The following EDF1 variants were observed in gnomAD, a reference collection of about 807,000 sequenced individuals.
EDF1 encodes the protein endothelial differentiation-related factor 1.
EDF1 carries 5 observed loss-of-function variants against 20.8 expected under a neutral mutation model. That is an observed-to-expected ratio of 0.24 (90% confidence interval 0.13 to 0.51). The LOEUF (loss-of-function observed/expected upper bound fraction) is 0.51, where lower values mean the gene tolerates loss of function less well. EDF1 is among the 20% of genes least tolerant of loss of function. The pLI, the probability that EDF1 is intolerant of heterozygous loss-of-function variation, is 0.97. For synonymous variants in EDF1, 96 were observed against 78.5 expected, an observed-to-expected ratio of 1.22 and a Z score of -1.18; for missense variants, 137 against 197.8, an observed-to-expected ratio of 0.69 and a Z score of 1.84.
At chr9:136,864,272 ATT>A (rs530718830) in intron 1 of EDF1, among the ~76,000 whole-genome samples, 64 of 134,884 alleles carry the variant, frequency 4.7e-4, no homozygotes, top group Admixed American at 4.5e-4. Flanking sequence ...CACACTAGGG[ATT>A]TTTTTTTTTT....
chr9:136,863,269 A>G lies in EDF1; in HGVS notation c.291+19T>C. The G allele has an allele frequency of 6.2e-7, 1 of 1,605,868 alleles. No homozygotes were observed. The highest frequency in any genetic ancestry group is 8.5e-7 in the Non-Finnish European group (1 of 1,176,688). ...CCAAACCCACAACCCCAGGAGTGAG[A>G]GCCCCGGCGCAGCCTCACCGTGGCC... On this transcript the variant is annotated intron_variant, in intron 3 of 4. Coordinates refer to ENST00000224073, the MANE Select transcript of EDF1 (RefSeq NM_003792.4). The surrounding 1 kb of genome is among the most constrained non-coding windows in gnomAD (Gnocchi z 4.5).
At position 136,862,776 on chromosome 9, in the gene EDF1, C is replaced by A; in HGVS notation, c.385+130G>T. On this transcript the variant is annotated intron_variant, in intron 4 of 4. Transcript: ENST00000224073. This position sits in a 1 kb window ranked among gnomAD's most constrained non-coding sequence, Gnocchi z 4.1. ...GTCTGTACTACCTGGAGAAGCAAAG[C>A]TCCAGAATTCAGAGAACAGGGGACC... is the stretch of plus-strand genomic sequence containing the variant. 6.2e-7 allele frequency: 1 copy of A among 1,601,064 alleles called. No homozygotes were observed. The highest frequency in any genetic ancestry group is 8.5e-7 in the Non-Finnish European group (1 of 1,175,470).
Position 136,862,529 on chromosome 9 carries a change from A to G in EDF1, c.386-184T>C. 6.2e-7 allele frequency: 1 copy of G among 1,605,918 alleles called. No individual in the cohort carries two copies. Among genetic ancestry groups the G allele is most frequent in the Non-Finnish European group, 8.5e-7 (1 of 1,179,164 alleles). On this transcript the variant is annotated intron_variant, in intron 4 of 4. Coordinates refer to ENST00000224073, the MANE Select transcript of EDF1 (RefSeq NM_003792.4). The surrounding 1 kb of genome is among the most constrained non-coding windows in gnomAD (Gnocchi z 4.1). ...TGAAGAGGATGAGTCTGATCACCTT[A>G]GACAGCAGAGCATGAACACCCCTCT...
Position 136,863,005 on chromosome 9 carries a change from G to A in EDF1, c.292-6C>T. Reference sequence around the variant, plus strand: ...TGTGGCTTCTCATTGATTTTCTAAAGAGAAGATGTGCTTTATACACATCAG... The same window carrying A: ...TGTGGCTTCTCATTGATTTTCTAAAAAGAAGATGTGCTTTATACACATCAG... On this transcript the variant is annotated splice_polypyrimidine_tract_variant and splice_region_variant and intron_variant, in intron 3 of 4. Coordinates refer to ENST00000224073, the MANE Select transcript of EDF1 (RefSeq NM_003792.4). The surrounding 1 kb of genome is among the most constrained non-coding windows in gnomAD (Gnocchi z 4.5). 6.2e-7 allele frequency: 1 copy of A among 1,613,780 alleles called. No individual in the cohort carries two copies. Among genetic ancestry groups the A allele is most frequent in the Non-Finnish European group, 8.5e-7 (1 of 1,180,020 alleles).
At position 136,863,038 on chromosome 9, in the gene EDF1, A is replaced by G. The variant is rs1849138953; in HGVS notation, c.292-39T>C. 6.2e-7 allele frequency: 1 copy of G among 1,611,286 alleles called. No individual in the cohort carries two copies. On this transcript the variant is annotated intron_variant, in intron 3 of 4. Transcript: ENST00000224073. The surrounding 1 kb of genome is among the most constrained non-coding windows in gnomAD (Gnocchi z 4.5). ...GTGCTTTATACACATCAGCTCCACT[A>G]GGACTGCTGCAAAACCAGGCGCGAA...
In EDF1 at chr9:136,862,520, G is replaced by T. The variant is rs760430175; in HGVS notation, c.386-175C>A. ...ATCTAATTTTGAAGAGGATGAGTCT[G>T]ATCACCTTAGACAGCAGAGCATGAA... On this transcript the variant is annotated intron_variant, in intron 4 of 4. Coordinates refer to ENST00000224073, the MANE Select transcript of EDF1 (RefSeq NM_003792.4). The surrounding 1 kb of genome is among the most constrained non-coding windows in gnomAD (Gnocchi z 4.1). The T allele has an allele frequency of 1.9e-6, 3 of 1,608,082 alleles. No homozygotes were observed. The highest frequency in any genetic ancestry group is 1.7e-6 in the Non-Finnish European group (2 of 1,179,574).
chr9:136,863,772 G>A lies in EDF1; in HGVS notation c.130+48C>T, dbSNP rs776642599. The A allele has an allele frequency of 6.2e-7, 1 of 1,609,498 alleles. No homozygotes were observed. The highest frequency in any genetic ancestry group is 8.5e-7 in the Non-Finnish European group (1 of 1,176,426). ...CACACACCACACCCACCAGCACATG[G>A]ACCCCACAGCACAGCCTCATGTTGC... On this transcript the variant is annotated intron_variant, in intron 2 of 4. Coordinates refer to ENST00000224073, the MANE Select transcript of EDF1 (RefSeq NM_003792.4). This position sits in a 1 kb window ranked among gnomAD's most constrained non-coding sequence, Gnocchi z 4.5.
chr9:136,864,910 A>AC (rs920096633), intron 1 of EDF1, among the ~76,000 whole-genome samples: 6 of 152,222 alleles, frequency 3.9e-5, no homozygotes, highest in Admixed American at 2.6e-4. Flanking sequence ...GGCGTGAGCC[A>AC]CCGCGCCCGG....
chr9:136,866,293 G>T lies in EDF1; in HGVS notation c.-35C>A. The T allele has an allele frequency of 5.7e-6, 9 of 1,589,290 alleles. No individual in the cohort carries two copies. Among genetic ancestry groups the T allele is most frequent in the Non-Finnish European group, 7.7e-6 (9 of 1,172,384 alleles). ...AGACGAGCGTCCGTCCGGCGGCTCA[G>T]CGGCAGCTGCTAGAGACCTGGCGCG... On this transcript the variant is annotated 5_prime_UTR_variant, in exon 1 of 5. The change creates a new upstream start codon in the 5' untranslated region. Transcript: ENST00000224073.
chr9:136,865,361 A>T (rs1254861499), intron 1 of EDF1, among the ~76,000 whole-genome samples: 2 of 151,964 alleles, frequency 1.3e-5, no homozygotes, highest in Non-Finnish European at 2.9e-5. Flanking sequence ...GGCACTCTCT[A>T]CAGCCTGTGA....
chr9:136,866,035 G>A, intron 1 of EDF1, 146 bp downstream of exon 1: 2 of 554,180 alleles, frequency 3.6e-6, no homozygotes. Context: ...ACCCCGTCCT[G>A]CCCCCGGCAC....
rs1849153586 is a variant in EDF1 at position 136,863,536 on chromosome 9, G to A, written c.131-88C>T. On this transcript the variant is annotated intron_variant, in intron 2 of 4. Transcript: ENST00000224073. The surrounding 1 kb of genome is among the most constrained non-coding windows in gnomAD (Gnocchi z 4.5). ...TTCAAAGCGGTAACCAGACCCCAGA[G>A]GCTGCCTGAACTCAAGGGGACATGG... The A allele has an allele frequency of 2.0e-6, 3 of 1,493,298 alleles. No individual in the cohort carries two copies. The highest frequency in any genetic ancestry group is 2.7e-6 in the Non-Finnish European group (3 of 1,113,546). 92.5% of individuals were successfully genotyped at this position (1,493,298 alleles called of 1,614,324 possible). A position where few individuals can be genotyped will look rare whatever the true frequency, so the allele number is the denominator to read the frequency against.
rs774589217 is a variant in EDF1, at chr9:136,863,794, T to C, written c.130+26A>G. 1.2e-6 allele frequency: 2 copies of C among 1,613,738 alleles called. No homozygotes were observed. The highest frequency in any genetic ancestry group is 1.7e-6 in the Non-Finnish European group (2 of 1,179,882). On this transcript the variant is annotated intron_variant, in intron 2 of 4. Coordinates refer to ENST00000224073, the MANE Select transcript of EDF1 (RefSeq NM_003792.4). The surrounding 1 kb of genome is among the most constrained non-coding windows in gnomAD (Gnocchi z 4.5). ...ATGGACCCCACAGCACAGCCTCATGTTGCAAGCGGAAACACAAGTACCTAC... is the reference window on the plus strand; with the variant it reads ...ATGGACCCCACAGCACAGCCTCATGCTGCAAGCGGAAACACAAGTACCTAC...
rs1461539308 is a variant in EDF1 at position 136,863,737 on chromosome 9, G to A, written c.130+83C>T. 15 of 1,535,774 alleles carry A rather than the reference G, an allele frequency of 9.8e-6. No homozygotes were observed. The highest frequency in any genetic ancestry group is 6.8e-5 in the African/African-American group (5 of 73,268). On this transcript the variant is annotated intron_variant, in intron 2 of 4. Coordinates refer to ENST00000224073, the MANE Select transcript of EDF1 (RefSeq NM_003792.4). This position sits in a 1 kb window ranked among gnomAD's most constrained non-coding sequence, Gnocchi z 4.5. ...CAGGCACTCAGCTGACAACGTCCCCGGGGGCGCCGCACACACCACACCCAC... is the reference window on the plus strand; with the variant it reads ...CAGGCACTCAGCTGACAACGTCCCCAGGGGCGCCGCACACACCACACCCAC...
Position 136,863,598 on chromosome 9 carries a change from G to A in EDF1, c.131-150C>T, listed in dbSNP as rs1197502144. 2.4e-5 allele frequency: 27 copies of A among 1,140,694 alleles called. No homozygotes were observed. The highest frequency in any genetic ancestry group is 7.7e-5 in the Admixed American group (3 of 38,992). The allele number at this position is 1,140,694 out of a possible 1,614,324, so 70.7% of individuals were successfully genotyped here. A position where few individuals can be genotyped will look rare whatever the true frequency, so the allele number is the denominator to read the frequency against. ...GTCCCAAGTTCACACACCTCAGGTC[G>A]TGGACTTCCAGAGTTTTCTCTCAGT... On this transcript the variant is annotated intron_variant, in intron 2 of 4. Coordinates refer to ENST00000224073, the MANE Select transcript of EDF1 (RefSeq NM_003792.4). This position sits in a 1 kb window ranked among gnomAD's most constrained non-coding sequence, Gnocchi z 4.5.
Position 136,863,643 on chromosome 9 carries a change from A to G in EDF1, c.130+177T>C, listed in dbSNP as rs1344186044. 6.6e-6 allele frequency among the ~76,000 whole-genome samples: 1 copy of G among 151,966 alleles called. No individual in the cohort carries two copies. The highest frequency in any genetic ancestry group is 2.4e-5 in the African/African-American group (1 of 41,344). ...CTCAGTTATGAGGACAGGCAGCTGT[A>G]CTCATGCCAACCAGAGCTGCTCTGG... On this transcript the variant is annotated intron_variant, in intron 2 of 4. Coordinates refer to ENST00000224073, the MANE Select transcript of EDF1 (RefSeq NM_003792.4). The surrounding 1 kb of genome is among the most constrained non-coding windows in gnomAD (Gnocchi z 4.5).
chr9:136,865,898 C>T (rs940953769), intron 1 of EDF1, among the ~76,000 whole-genome samples: 13 of 150,602 alleles, frequency 8.6e-5, no homozygotes, highest in Non-Finnish European at 1.5e-4. Context: ...TTCCCTGCTC[C>T]TCTCCTCCTC....
chr9:136,864,544 G>A (rs955533855), intron 1 of EDF1, among the ~76,000 whole-genome samples: 1 of 152,074 alleles, frequency 6.6e-6, no homozygotes. Context: ...TCTCATGGAA[G>A]CCTGCAGGCT....
chr9:136,862,730 C>G lies in EDF1; in HGVS notation c.385+176G>C. ...GCTCTTAGGGGTTTCCTGAGGCCTG[C>G]AGAGACCCCACCATCCCTCAGTCTG... On this transcript the variant is annotated intron_variant, in intron 4 of 4. Transcript: ENST00000224073. The surrounding 1 kb of genome is among the most constrained non-coding windows in gnomAD (Gnocchi z 4.1). 4.5e-6 allele frequency: 7 copies of G among 1,549,198 alleles called. No homozygotes were observed. Among genetic ancestry groups the G allele is most frequent in the Non-Finnish European group, 6.1e-6 (7 of 1,154,270 alleles).
Sources: allele counts gnomAD v4.1 joint callset (sites outside exome capture counted in the v4.1 genomes callset), GRCh38; gene constraint gnomAD v4.1.1; non-coding constraint Gnocchi (gnomAD v3.1); transcripts MANE v1.5; gene names NCBI Gene and HGNC (gene_info 2026-07-23, HGNC 2026-07-21).